Variants in RANBP17 observed in about 807,000 individuals in gnomAD.
The protein encoded by RANBP17 is ran-binding protein 17.
In RANBP17, 158 loss-of-function variants were observed where a neutral mutation model predicts 141.2. The observed-to-expected ratio is 1.12, with a 90% CI of 0.98 to 1.28. The LOEUF (loss-of-function observed/expected upper bound fraction) is 1.28, where lower values mean the gene tolerates loss of function less well. Among genes scored for constraint, RANBP17 ranks in the 50% most tolerant of loss-of-function variants. RANBP17 has a pLI of 0.00. For synonymous variants in RANBP17, 430 were observed against 450.0 expected (o/e 0.96, Z 0.56); for missense variants, 1,438 against 1,290.7 (o/e 1.11, Z -1.75).
At position 171,298,986 on chromosome 5, in the gene RANBP17, C is replaced by A. The variant is rs189121038; in HGVS notation, c.*128C>A. ...CAAAACATACAAGCAACAGCAAAAGCCCTAACTTCTTATACGTCTAGCCTA... is the reference window on the plus strand; with the variant it reads ...CAAAACATACAAGCAACAGCAAAAGACCTAACTTCTTATACGTCTAGCCTA... On this transcript the variant is annotated 3_prime_UTR_variant, in exon 28 of 28. Coordinates refer to ENST00000523189, the MANE Select transcript of RANBP17 (RefSeq NM_022897.5). 61 of 604,922 alleles carry A rather than the reference C, an allele frequency of 1.0e-4. No individual in the cohort carries two copies. The East Asian group carries it at 1.7e-3, about 16-fold the overall frequency. The allele number at this position is 604,922 out of a possible 1,614,324, so 37.5% of individuals were successfully genotyped here.
At chr5:171,297,275 T>G (rs920955095) in intron 27 of RANBP17, among the ~76,000 whole-genome samples, 3 of 152,224 alleles carry the variant, frequency 2.0e-5, no homozygotes, top group African/African-American at 7.2e-5. Flanking sequence ...GTGTAGGCAT[T>G]GGGGTTACCA....
intron 22 of RANBP17, 95 bp downstream of exon 22, chr5:171,221,935 A>G (rs1763588194): frequency 3.7e-6 from 3 of 804,412 alleles, no homozygotes; most frequent in Non-Finnish European, 4.0e-6. Context: ...GAACTTTCAT[A>G]TCTTTATGAA....
intron 12 of RANBP17, among the ~76,000 whole-genome samples, chr5:170,940,916 T>G (rs1458715682): frequency 2.6e-5 from 4 of 151,594 alleles, no homozygotes; most frequent in Non-Finnish European, 4.4e-5. Flanking sequence ...TTTTTTGCAG[T>G]GTAGTTTTAA....
At chr5:170,987,109 G>A (rs1336663894) in intron 14 of RANBP17, among the ~76,000 whole-genome samples, 1 of 151,748 alleles carries the variant, frequency 6.6e-6, no homozygotes, top group Non-Finnish European at 1.5e-5. Flanking sequence ...TGAAAAATAG[G>A]TAGCAGCTTT....
intron 14 of RANBP17, among the ~76,000 whole-genome samples, chr5:171,149,800 A>T (rs932255641): frequency 2.6e-5 from 4 of 152,230 alleles, no homozygotes; most frequent in African/African-American, 9.6e-5. Context: ...AGAAAGACAC[A>T]TTTTTCCACC....
chr5:170,908,510 T>C (rs991098448), intron 5 of RANBP17, among the ~76,000 whole-genome samples: 1 of 150,920 alleles, frequency 6.6e-6, no homozygotes, highest in African/African-American at 2.4e-5. Flanking sequence ...TGGGGACTAC[T>C]AGATAGGGGA....
At chr5:170,941,359 A>G (rs1392735535) in intron 12 of RANBP17, among the ~76,000 whole-genome samples, 1 of 152,190 alleles carries the variant, frequency 6.6e-6, no homozygotes, top group Non-Finnish European at 1.5e-5. Flanking sequence ...GGAAGAAAGA[A>G]TTCACAAATA....
intron 12 of RANBP17, among the ~76,000 whole-genome samples, chr5:170,950,930 T>G (rs1043462418): frequency 1.3e-5 from 2 of 152,066 alleles, no homozygotes; most frequent in Non-Finnish European, 2.9e-5. Flanking sequence ...TGCAGCAACA[T>G]AGGTGGAACT....
intron 22 of RANBP17, among the ~76,000 whole-genome samples, chr5:171,233,848 G>T (rs902475747): frequency 6.6e-6 from 1 of 152,112 alleles, no homozygotes; most frequent in Non-Finnish European, 1.5e-5. Flanking sequence ...ACCCATAAAA[G>T]GTACACCACC....
intron 14 of RANBP17, among the ~76,000 whole-genome samples, chr5:171,135,691 ATAGAG>A (rs1218390956): frequency 6.6e-6 from 1 of 152,232 alleles, no homozygotes; most frequent in Non-Finnish European, 1.5e-5. Context: ...AATTATAAAA[ATAGAG>A]TAAAGAGAAA....
At chr5:170,949,786 A>C (rs1283641215) in intron 12 of RANBP17, among the ~76,000 whole-genome samples, 1 of 152,172 alleles carries the variant, frequency 6.6e-6, no homozygotes, top group Non-Finnish European at 1.5e-5. Flanking sequence ...TCATAGCAGC[A>C]TTATTTATAA....
At chr5:171,137,905 G>A (rs1451404607) in intron 14 of RANBP17, among the ~76,000 whole-genome samples, 1 of 149,416 alleles carries the variant, frequency 6.7e-6, no homozygotes, top group Non-Finnish European at 1.5e-5. Flanking sequence ...GTGTAAATAA[G>A]TAAATATATA....
chr5:171,113,148 T>C (rs1298542007), intron 14 of RANBP17, among the ~76,000 whole-genome samples: 1 of 152,212 alleles, frequency 6.6e-6, no homozygotes, highest in Non-Finnish European at 1.5e-5. Flanking sequence ...TATCTGAAGA[T>C]GTATCACTAA....
At chr5:171,006,621 G>A (rs1318713960) in intron 14 of RANBP17, among the ~76,000 whole-genome samples, 1 of 151,858 alleles carries the variant, frequency 6.6e-6, no homozygotes, top group Non-Finnish European at 1.5e-5. Context: ...GGGAGGGATA[G>A]TATTAGGAGA....
chr5:171,149,162 C>A (rs996360073), intron 14 of RANBP17, among the ~76,000 whole-genome samples: 4 of 152,212 alleles, frequency 2.6e-5, no homozygotes, highest in Non-Finnish European at 5.9e-5. Context: ...ACAAAGGCCC[C>A]TTTCCTCATT....
At chr5:171,129,563 C>A (rs1227637755) in intron 14 of RANBP17, among the ~76,000 whole-genome samples, 1 of 152,166 alleles carries the variant, frequency 6.6e-6, no homozygotes, top group Admixed American at 6.5e-5. Flanking sequence ...TTTGGCTAGG[C>A]ATTGCAGCTT....
At position 171,299,587 on chromosome 5, in the gene RANBP17, G is replaced by A. The variant is rs1286544951; in HGVS notation, c.*729G>A. On this transcript the variant is annotated 3_prime_UTR_variant, in exon 28 of 28. Transcript: ENST00000523189. ...GCCCCAGTCAGAAGTTCTGGGTGGT[G>A]CCAGCACCCAGTCCTCTGCCTCCAT... The A allele has an allele frequency of 1.3e-5, 3 of 231,836 alleles. No individual in the cohort carries two copies. The highest frequency in any genetic ancestry group is 8.5e-6 in the Non-Finnish European group (1 of 117,078). The allele number at this position is 231,836 out of a possible 1,614,324, so 14.4% of individuals were successfully genotyped here.
At chr5:171,159,845 C>T (rs1759195495) in intron 14 of RANBP17, among the ~76,000 whole-genome samples, 1 of 149,348 alleles carries the variant, frequency 6.7e-6, no homozygotes, top group Admixed American at 6.7e-5. Context: ...ATGATGTGAA[C>T]CCGGGAGGCA....
intron 14 of RANBP17, among the ~76,000 whole-genome samples, chr5:171,038,554 G>A (rs562321075): frequency 6.6e-6 from 1 of 152,162 alleles, no homozygotes; most frequent in South Asian, 2.1e-4. Flanking sequence ...TCCAGCTTTT[G>A]CCCATTCTGT....
Sources: gnomAD v4.1 joint callset for allele counts (sites outside exome capture counted in the v4.1 genomes callset) on GRCh38, gnomAD v4.1.1 for gene constraint, MANE v1.5 for transcripts, NCBI Gene and HGNC (gene_info 2026-07-23, HGNC 2026-07-21) for gene names.